Variants in MBTD1 observed in about 807,000 individuals in gnomAD.
The protein encoded by MBTD1 is mbt domain containing 1.
In MBTD1, 24 loss-of-function variants were observed where a neutral mutation model predicts 87.8. The ratio of observed to expected loss-of-function variants is 0.27; its 90% confidence interval spans 0.20 to 0.38. The LOEUF (loss-of-function observed/expected upper bound fraction) is 0.38. Among genes scored for constraint, MBTD1 ranks in the 10% least tolerant of loss-of-function variants. The pLI is 1.00. For missense variants in MBTD1, 436 were observed against 760.2 expected (o/e 0.57, Z 5.02); for synonymous variants, 237 against 248.6 (o/e 0.95, Z 0.44).
chr17:51,192,029 AGT>A, intron 16 of MBTD1, 172 bp downstream of exon 16: 1 of 605,474 alleles, frequency 1.7e-6, no homozygotes, highest in Non-Finnish European at 2.9e-6. Flanking sequence ...GTAAAATATC[AGT>A]GTTTCTCATT....
intron 6 of MBTD1, among the ~76,000 whole-genome samples, chr17:51,214,292 G>A (rs1043928980): frequency 3.9e-5 from 6 of 151,940 alleles, no homozygotes; most frequent in Non-Finnish European, 5.9e-5. Context: ...AATGTCAATT[G>A]GGGCTTGATT....
At chr17:51,224,756 A>T (rs2053116592) in intron 3 of MBTD1, among the ~76,000 whole-genome samples, 1 of 152,330 alleles carries the variant, frequency 6.6e-6, no homozygotes, top group African/African-American at 2.4e-5. Flanking sequence ...TTTCTTATCT[A>T]ATTACTAAAT....
rs148972695 is a variant in MBTD1, at chr17:51,216,905, T to C, written c.486+429A>G. On this transcript the variant is annotated intron_variant, in intron 6 of 16. Coordinates refer to ENST00000586178, the MANE Select transcript of MBTD1 (RefSeq NM_017643.3). The stretch of plus-strand genomic sequence containing the variant: ...ACAAAGCTAGCAGTTCAACTTAATA[T>C]GAACATCTGATGAGGCTGGGTATGG... 3.3e-5 allele frequency among the ~76,000 whole-genome samples: 5 copies of C among 152,220 alleles called. No individual in the cohort carries two copies. In the East Asian group the frequency reaches 7.7e-4, roughly 23 times the overall value.
At chr17:51,241,752 A>T (rs2054172323) in intron 2 of MBTD1, among the ~76,000 whole-genome samples, 1 of 152,018 alleles carries the variant, frequency 6.6e-6, no homozygotes, top group African/African-American at 2.4e-5. Context: ...TTTTTAGTAG[A>T]GACGGGTTTC....
chr17:51,229,014 G>GA (rs59246432), intron 2 of MBTD1, among the ~76,000 whole-genome samples: 1,453 of 137,666 alleles, frequency 0.011, 18 homozygotes, highest in African/African-American at 0.032. Context: ...ACAAACAACA[G>GA]AAAAAAAAAA....
chr17:51,254,651 G>A (rs1056974825), intron 2 of MBTD1, among the ~76,000 whole-genome samples: 3 of 152,026 alleles, frequency 2.0e-5, no homozygotes, highest in Non-Finnish European at 4.4e-5. Flanking sequence ...TTATGACTTC[G>A]GATGTAACAA....
At chr17:51,215,400 T>C (rs1156960842) in intron 6 of MBTD1, among the ~76,000 whole-genome samples, 1 of 152,168 alleles carries the variant, frequency 6.6e-6, no homozygotes, top group Admixed American at 6.5e-5. Context: ...GGGGTTGAAA[T>C]GCCATTTTTT....
At chr17:51,188,405 C>T (rs979104174) in intron 16 of MBTD1, among the ~76,000 whole-genome samples, 1 of 152,192 alleles carries the variant, frequency 6.6e-6, no homozygotes, top group Non-Finnish European at 1.5e-5. Context: ...TGTTTCTGTA[C>T]AATAAGCACT....
intron 2 of MBTD1, among the ~76,000 whole-genome samples, chr17:51,244,796 C>T (rs1568232936): frequency 6.6e-6 from 1 of 152,206 alleles, no homozygotes; most frequent in Middle Eastern, 3.4e-3. Context: ...CATTTTATAC[C>T]TATGCTGCTC....
intron 2 of MBTD1, among the ~76,000 whole-genome samples, chr17:51,255,222 A>T (rs751912496): frequency 6.6e-6 from 1 of 152,114 alleles, no homozygotes; most frequent in Non-Finnish European, 1.5e-5. Flanking sequence ...CGGAGACTGC[A>T]GTGAGCCGAG....
intron 3 of MBTD1, among the ~76,000 whole-genome samples, chr17:51,222,853 T>C (rs889381851): frequency 2.0e-5 from 3 of 151,452 alleles, no homozygotes; most frequent in African/African-American, 7.3e-5. Flanking sequence ...CAGGCTGGAG[T>C]GCAGTGGCGT....
At chr17:51,193,388 T>A in intron 14 of MBTD1, 40 bp downstream of exon 14, 1 of 1,356,840 alleles carries the variant, frequency 7.4e-7, no homozygotes, top group Non-Finnish European at 1.0e-6. Flanking sequence ...TGTGGGGCAT[T>A]AATAAGTCCT....
intron 12 of MBTD1, among the ~76,000 whole-genome samples, chr17:51,196,539 G>A (rs2051117652): frequency 6.6e-6 from 1 of 151,858 alleles, no homozygotes; most frequent in South Asian, 2.1e-4. Context: ...ATTACCACTG[G>A]AATTTTGCTT....
At chr17:51,242,785 C>T (rs934633553) in intron 2 of MBTD1, among the ~76,000 whole-genome samples, 7 of 152,148 alleles carry the variant, frequency 4.6e-5, no homozygotes, top group African/African-American at 1.7e-4. Context: ...AAAAAGTAAA[C>T]AGTATATGTA....
chr17:51,220,580 A>T, intron 3 of MBTD1, 117 bp from the exon 4 acceptor site: 4 of 911,152 alleles, frequency 4.4e-6, no homozygotes, highest in Non-Finnish European at 6.5e-6. Context: ...ATTTGCCTTG[A>T]ACATTTCTTC....
At chr17:51,205,953 A>G (rs1055316835) in intron 7 of MBTD1, among the ~76,000 whole-genome samples, 7 of 152,158 alleles carry the variant, frequency 4.6e-5, no homozygotes, top group African/African-American at 1.4e-4. Flanking sequence ...ATTGAAGATA[A>G]CTTTTCTTAT....
chr17:51,197,011 T>G (rs2051147989), intron 12 of MBTD1, among the ~76,000 whole-genome samples: 1 of 111,218 alleles, frequency 9.0e-6, no homozygotes, highest in African/African-American at 3.6e-5. Context: ...TGCAGTTGAT[T>G]TTTGTCTTTA....
chr17:51,259,918 G>A lies in MBTD1; in HGVS notation c.-196C>T. 8.2e-7 allele frequency: 1 copy of A among 1,226,196 alleles called. No homozygotes were observed. Among genetic ancestry groups the A allele is most frequent in the Non-Finnish European group, 1.0e-6 (1 of 982,600 alleles). 76.0% of individuals were successfully genotyped at this position (1,226,196 alleles called of 1,614,324 possible). ...GCCCGCGGCGCCCCCTCCCCGGGCTGGGGGCAGGTGCCTCTCCCCGGGACT... is the reference window on the plus strand; with the variant it reads ...GCCCGCGGCGCCCCCTCCCCGGGCTAGGGGCAGGTGCCTCTCCCCGGGACT... On this transcript the variant is annotated 5_prime_UTR_variant, in exon 1 of 17. Coordinates refer to ENST00000586178, the MANE Select transcript of MBTD1 (RefSeq NM_017643.3).
chr17:51,238,992 C>T lies in MBTD1; in HGVS notation c.-48-13783G>A, dbSNP rs1490056187. ...ATGTGCGTCTGTAGTCCCAGCTACT[C>T]GGGAGGCAGAGGCAGGAGAACTGCT... On this transcript the variant is annotated intron_variant, in intron 2 of 16. Coordinates refer to ENST00000586178, the MANE Select transcript of MBTD1 (RefSeq NM_017643.3). 4.6e-5 allele frequency among the ~76,000 whole-genome samples: 7 copies of T among 151,746 alleles called. No homozygotes were observed. The East Asian group carries it at 5.8e-4, about 13-fold the overall frequency.
Sources: gnomAD v4.1 joint callset for allele counts (sites outside exome capture counted in the v4.1 genomes callset) on GRCh38, gnomAD v4.1.1 for gene constraint, MANE v1.5 for transcripts, NCBI Gene and HGNC (gene_info 2026-07-23, HGNC 2026-07-21) for gene names.